The following MYO9B variants were observed in gnomAD, a reference collection of about 807,000 sequenced individuals.
The protein encoded by MYO9B is myosin IXB.
Under a neutral mutation model 229.5 loss-of-function variants are expected in MYO9B, and 71 were observed. That is an observed-to-expected ratio of 0.31 (90% CI 0.26 to 0.38). The LOEUF (loss-of-function observed/expected upper bound fraction) is 0.38, where lower values mean the gene tolerates loss of function less well. Ranked by LOEUF, MYO9B falls within the 10% of genes least tolerant of loss-of-function variation. MYO9B has a pLI of 1.00. For synonymous variants in MYO9B, 1,185 were observed against 1,235.8 expected, an observed-to-expected ratio of 0.96 and a Z score of 0.86; for missense variants, 2,255 against 2,920.5, an observed-to-expected ratio of 0.77 and a Z score of 5.25.
At chr19:17,110,711 C>A (rs1288157973) in intron 2 of MYO9B, among the ~76,000 whole-genome samples, 1 of 152,126 alleles carries the variant, frequency 6.6e-6, no homozygotes, top group African/African-American at 2.4e-5. Flanking sequence ...CCCCTGTGGC[C>A]CGGCCCACAG....
At chr19:17,164,959 G>A (rs75689294) in intron 10 of MYO9B, among the ~76,000 whole-genome samples, 4,737 of 152,186 alleles carry the variant, frequency 0.031, 263 homozygotes, top group African/African-American at 0.11. Context: ...CAAACGCTGA[G>A]GTTTAGGCGA....
Position 17,200,716 on chromosome 19 carries a change from C to G in MYO9B, c.4450C>G (p.Arg1484Gly). 1 of 1,614,022 alleles carries G rather than the reference C, an allele frequency of 6.2e-7. No homozygotes were observed. Among genetic ancestry groups the G allele is most frequent in the Non-Finnish European group, 8.5e-7 (1 of 1,179,896 alleles). ...ACCAGGAGGCAAAGGGAAGAAGAAC[C>G]GAAATGTCAAGATTGGGAAGATCAC... is the stretch of plus-strand genomic sequence containing the variant. ...KEPGGKGKKNRNVKIGKITVS... is the reference protein window; with the variant it reads ...KEPGGKGKKNGNVKIGKITVS... The change falls in exon 26 of 40, where the codon CGA becomes GGA. Residue 1484 changes from arginine (R) to glycine (G), a missense_variant. This residue lies in a region of MYO9B where 416 missense variants were observed against 605.5 expected (regional missense o/e 0.69). Coordinates refer to ENST00000682292, the MANE Select transcript of MYO9B (RefSeq NM_004145.4).
chr19:17,127,196 T>G (rs2072132584), intron 2 of MYO9B, among the ~76,000 whole-genome samples: 1 of 146,066 alleles, frequency 6.8e-6, no homozygotes, highest in Non-Finnish European at 1.5e-5. Context: ...TGTAGTTTGG[T>G]AGAGATGGGG....
chr19:17,197,498 A>G (rs534076218), intron 22 of MYO9B, among the ~76,000 whole-genome samples: 44 of 151,778 alleles, frequency 2.9e-4, no homozygotes, highest in African/African-American at 1.1e-3. Flanking sequence ...GGGCTAAGGC[A>G]AGGTTTCCTA....
intron 30 of MYO9B, among the ~76,000 whole-genome samples, chr19:17,204,826 C>A (rs1056231694): frequency 4.0e-5 from 6 of 151,798 alleles, no homozygotes; most frequent in African/African-American, 1.2e-4. Flanking sequence ...AGAGTGAGAC[C>A]CTGTCTCAAA....
rs77955766 is a variant in MYO9B, at chr19:17,196,293, T to G, written c.4046+820T>G. 5.3e-3 allele frequency among the ~76,000 whole-genome samples: 810 copies of G among 151,608 alleles called. 8 individuals carry two copies. The highest frequency in any genetic ancestry group is 0.037 in the South Asian group (176 of 4,796). On this transcript the variant is annotated intron_variant, in intron 22 of 39. Coordinates refer to ENST00000682292, the MANE Select transcript of MYO9B (RefSeq NM_004145.4). ...ATATAGATGATGGATGGATGGAAGA[T>G]ACACATGATGGATGAAGGGATGGAT...
rs1206161875 is a variant in MYO9B at position 17,133,819 on chromosome 19, G to C, written c.841-11578G>C. 2.0e-5 allele frequency among the ~76,000 whole-genome samples: 3 copies of C among 151,976 alleles called. No individual in the cohort carries two copies. The East Asian group carries it at 5.8e-4, about 29-fold the overall frequency. ...TCTGTCACCCAGGCTGGAGTGCAGT[G>C]GCACCATCTCGGCTCACTGCAAGCT... On this transcript the variant is annotated intron_variant, in intron 2 of 39. Coordinates refer to ENST00000682292, the MANE Select transcript of MYO9B (RefSeq NM_004145.4).
chr19:17,153,745 T>G (rs913796431), intron 4 of MYO9B, among the ~76,000 whole-genome samples: 1 of 151,334 alleles, frequency 6.6e-6, no homozygotes, highest in Non-Finnish European at 1.5e-5. Flanking sequence ...GACAAATAAG[T>G]GAGATGTACA....
intron 7 of MYO9B, among the ~76,000 whole-genome samples, chr19:17,158,973 C>T (rs770175134): frequency 1.7e-4 from 26 of 152,288 alleles, no homozygotes; most frequent in Non-Finnish European, 2.9e-4. Flanking sequence ...GCAGGCAGAT[C>T]GCCCAAGGTC....
chr19:17,136,844 C>G (rs1343379365), intron 2 of MYO9B, among the ~76,000 whole-genome samples: 1 of 152,142 alleles, frequency 6.6e-6, no homozygotes, highest in African/African-American at 2.4e-5. Context: ...GTAATCTCAG[C>G]ACTTTGGGAG....
chr19:17,133,000 C>T (rs986281067), intron 2 of MYO9B, among the ~76,000 whole-genome samples: 1 of 152,072 alleles, frequency 6.6e-6, no homozygotes, highest in Non-Finnish European at 1.5e-5. Context: ...GGCGCCGCCA[C>T]CACGCCCGGC....
At position 17,192,754 on chromosome 19, in the gene MYO9B, GA is replaced by G; in HGVS notation, c.2822del (p.Lys941ArgfsTer39). On this transcript the variant is annotated frameshift_variant, in exon 21 of 40. Coordinates refer to ENST00000682292, the MANE Select transcript of MYO9B (RefSeq NM_004145.4). LOFTEE classifies it high-confidence loss of function. ...GACCCCGTGCCCACCAGGTCTTCCT[GA>G]AGGAGACGGAGCGGCAAGCCCTGCA... Reference protein sequence around the residue: ...YQIGKTKVFLKETERQALQET... With the variant: ...YQIGKTKVFLXETERQALQET... 1 of 1,542,646 alleles carries G rather than the reference GA, an allele frequency of 6.5e-7. No individual in the cohort carries two copies. The highest frequency in any genetic ancestry group is 8.8e-7 in the Non-Finnish European group (1 of 1,142,030).
chr19:17,179,460 TCTGTTGCC>T (rs1288356438), intron 14 of MYO9B, among the ~76,000 whole-genome samples: 2 of 136,078 alleles, frequency 1.5e-5, no homozygotes, highest in East Asian at 4.7e-4. Context: ...AGAGTCTCAC[TCTGTTGCC>T]CAGGCTGGAG....
At chr19:17,198,135 C>A in intron 23 of MYO9B, 49 bp from the exon 24 acceptor site, 2 of 1,609,954 alleles carry the variant, frequency 1.2e-6, no homozygotes, top group Non-Finnish European at 1.7e-6. Context: ...CCATCTAGCA[C>A]AGGACTGCCA....
intron 10 of MYO9B, among the ~76,000 whole-genome samples, chr19:17,165,095 C>G (rs1428474876): frequency 6.6e-6 from 1 of 152,082 alleles, no homozygotes; most frequent in Middle Eastern, 3.2e-3. Flanking sequence ...GTCCTGAACT[C>G]CTGGCCTCAA....
intron 2 of MYO9B, among the ~76,000 whole-genome samples, chr19:17,125,640 T>C (rs951256342): frequency 2.0e-5 from 3 of 152,098 alleles, no homozygotes; most frequent in Admixed American, 2.0e-4. Flanking sequence ...TGCGTTTCAG[T>C]GTTTGCTGTA....
chr19:17,076,413 A>G (rs1600003816), intron 1 of MYO9B, among the ~76,000 whole-genome samples: 1 of 152,032 alleles, frequency 6.6e-6, no homozygotes, highest in Admixed American at 6.6e-5. Context: ...GCAGCCGGCT[A>G]TTGGGAAGCG....
chr19:17,110,819 C>G lies in MYO9B; in HGVS notation c.840+8262C>G, dbSNP rs956838118. ...AAGTTGTGCCGATGCCCAGGACATT[C>G]CAGTGAGGGACTGAGGAAGGGTCCT... On this transcript the variant is annotated intron_variant, in intron 2 of 39. Transcript: ENST00000682292. 5.3e-5 allele frequency among the ~76,000 whole-genome samples: 8 copies of G among 152,076 alleles called. No homozygotes were observed. The South Asian group carries it at 1.5e-3, about 28-fold the overall frequency.
At chr19:17,116,651 C>T (rs7247606) in intron 2 of MYO9B, among the ~76,000 whole-genome samples, 2,031 of 152,094 alleles carry the variant, frequency 0.013, 46 homozygotes, top group African/African-American at 0.047. Context: ...GAGCAGCAGG[C>T]GCTGTGAGGG....
Sources: gnomAD v4.1 joint callset for allele counts (sites outside exome capture counted in the v4.1 genomes callset) on GRCh38, gnomAD v4.1.1 for gene constraint, gnomAD v4.1.1 regional missense constraint, MANE v1.5 for transcripts, NCBI Gene and HGNC (gene_info 2026-07-23, HGNC 2026-07-21) for gene names.